The following WDR74 variants were observed in gnomAD, a reference collection of about 807,000 sequenced individuals.
WDR74 encodes the protein WD repeat domain 74, also known as WD repeat-containing protein 74.
Under a neutral mutation model 45.6 loss-of-function variants are expected in WDR74, and 31 were observed. That is an observed-to-expected ratio of 0.68 (90% CI 0.51 to 0.92). WDR74 has a LOEUF of 0.92. Ranked by LOEUF, WDR74 falls within the 40% of genes least tolerant of loss-of-function variation. WDR74 has a pLI of 0.00. For missense variants in WDR74, 455 were observed against 497.2 expected (o/e 0.92, Z 0.81); for synonymous variants, 191 against 192.4 (o/e 0.99, Z 0.06).
chr11:62,834,769 TC>T (rs1438895586), intron 6 of WDR74: 4 of 507,300 alleles, frequency 7.9e-6, no homozygotes, highest in Non-Finnish European at 3.5e-6. Flanking sequence ...GAGCATTCCA[TC>T]CCCCCATACT....
chr11:62,835,296 G>C (rs2084941490), intron 6 of WDR74, 135 bp downstream of exon 6: 1 of 751,110 alleles, frequency 1.3e-6, no homozygotes, highest in South Asian at 1.7e-5. Context: ...CAGGGACAGG[G>C]TTGGAACAGA....
In WDR74 at chr11:62,834,500, G is replaced by C; in HGVS notation, c.646C>G (p.Gln216Glu). ...GTGGTCTCTAGGACTGGCCGGCGCT[G>C]GGGGGATGCTGGATCATAAACACGG... ...QVRVYDPASP[Q>E]RRPVLETTYG... The change falls in exon 7 of 11, where the codon CAG (glutamine) becomes GAG (glutamate). Residue 216 changes from glutamine to glutamate, a missense_variant. Coordinates refer to ENST00000278856, the MANE Select transcript of WDR74 (RefSeq NM_001369450.1). The C allele has an allele frequency of 6.2e-7, 1 of 1,610,174 alleles. No homozygotes were observed. The highest frequency in any genetic ancestry group is 1.3e-5 in the African/African-American group (1 of 74,806).
intron 3 of WDR74, among the ~76,000 whole-genome samples, chr11:62,838,770 A>C (rs1429627787): frequency 1.3e-5 from 2 of 151,810 alleles, no homozygotes; most frequent in East Asian, 1.9e-4. Flanking sequence ...CAAAAAAAAA[A>C]AAAACAAAAA....
upstream of WDR74, chr11:62,841,572 A>C (rs1030664786): frequency 2.8e-4 from 43 of 152,268 alleles, no homozygotes; most frequent in African/African-American, 9.6e-4. Context: ...CTTGTACCCT[A>C]ACTGATCGAA....
Position 62,839,566 on chromosome 11 carries a change from G to A in WDR74, c.5C>T (p.Ala2Val), listed in dbSNP as rs545160528. 69 of 1,609,566 alleles carry A rather than the reference G, an allele frequency of 4.3e-5. No homozygotes were observed. In the South Asian group the frequency reaches 6.6e-4, roughly 15 times the overall value. ...ATGGTTCCAGCGTGCAGCAGCAGCC[G>A]CCATGACAAAGCCTGGAGGCAGACA... MAAAAARWNHVW... is the reference protein window; with the variant it reads MVAAAARWNHVW... Residue 2 changes from alanine to valine, a missense_variant, in exon 1 of 11, where the codon GCG becomes GTG. Transcript: ENST00000278856.
At chr11:62,840,075 C>G, upstream of WDR74, 1 of 153,796 alleles carries the variant, frequency 6.5e-6, no homozygotes, top group Non-Finnish European at 1.5e-5. Context: ...GATCTCCTCT[C>G]ACCTCAACCT....
chr11:62,834,106 A>G, intron 8 of WDR74, 169 bp from the exon 9 acceptor site: 1 of 1,391,136 alleles, frequency 7.2e-7, no homozygotes, highest in Non-Finnish European at 9.9e-7. Context: ...AGGCACAGGG[A>G]GTTGAAATAA....
rs1486305345 is a variant in WDR74, at chr11:62,835,775, C to T, written c.436G>A (p.Val146Ile). ...MRQDPAHPHV[V>I]ATGGKENALK... ...GCATTCTCTTTCCCACCTGTGGCAACCACATGGGGGTGTGCTGGGTCTTGG... is the reference window on the plus strand; with the variant it reads ...GCATTCTCTTTCCCACCTGTGGCAATCACATGGGGGTGTGCTGGGTCTTGG... The change falls in exon 5 of 11, where the codon GTT (valine) becomes ATT (isoleucine). Residue 146 changes from valine (V) to isoleucine (I), a missense_variant. By Grantham distance (29) the Val-to-Ile change is conservative. Coordinates refer to ENST00000278856, the MANE Select transcript of WDR74 (RefSeq NM_001369450.1). 1 of 1,613,870 alleles carries T rather than the reference C, an allele frequency of 6.2e-7. No homozygotes were observed. The highest frequency in any genetic ancestry group is 8.5e-7 in the Non-Finnish European group (1 of 1,179,836).
rs759625859 is a variant in WDR74, at chr11:62,833,808, C to T, written c.905G>A (p.Arg302Gln). 1.4e-5 allele frequency: 22 copies of T among 1,613,842 alleles called. No individual in the cohort carries two copies. The East Asian group carries it at 2.0e-4, about 15-fold the overall frequency. ...VLRIHRIQNP[R>Q]GLEHKVYLKS... ...ACAACTTACCTTATGCTCCAGACCCCGTGGATTCTGGATCCTGTGTATCCT... is the reference window on the plus strand; with the variant it reads ...ACAACTTACCTTATGCTCCAGACCCTGTGGATTCTGGATCCTGTGTATCCT... The change falls in exon 9 of 11, where the codon CGG (arginine) becomes CAG (glutamine). Residue 302 changes from arginine (R) to glutamine (Q), a missense_variant. Arg to Gln is a conservative substitution (Grantham distance 43, BLOSUM62 1). Transcript: ENST00000278856.
chr11:62,834,404 C>G (rs2084927540), intron 7 of WDR74, 23 bp downstream of exon 7: 1 of 1,599,464 alleles, frequency 6.3e-7, no homozygotes, highest in East Asian at 2.2e-5. Flanking sequence ...CACCCTCCCA[C>G]CCCTTCCCCT....
At chr11:62,841,169 T>C (rs559528162), upstream of WDR74, among the ~76,000 whole-genome samples, 67 of 152,160 alleles carry the variant, frequency 4.4e-4, 2 homozygotes, top group Admixed American at 4.6e-4. Context: ...GTATAAAAAT[T>C]CGCTGGGCGT....
Position 62,836,006 on chromosome 11 carries a change from A to C in WDR74, c.324T>G (p.Ile108Met). The C allele has an allele frequency of 6.3e-7, 1 of 1,596,328 alleles. No individual in the cohort carries two copies. The highest frequency in any genetic ancestry group is 8.5e-7 in the Non-Finnish European group (1 of 1,171,318). Residue 108 changes from isoleucine (I) to methionine (M), a missense_variant, in exon 4 of 11, where the codon ATT (isoleucine) becomes ATG (methionine). By Grantham distance (10) the Ile-to-Met change is conservative. Transcript: ENST00000278856. ...GTLITCVDSGILRVWHDKDKD... is the reference protein window; with the variant it reads ...GTLITCVDSGMLRVWHDKDKD... Reference sequence around the variant, plus strand: ...TGTCCTTGTCATGCCAGACTCTGAGAATCCCAGAATCCACACATGTGATGA... The same window carrying C: ...TGTCCTTGTCATGCCAGACTCTGAGCATCCCAGAATCCACACATGTGATGA...
At position 62,834,754 on chromosome 11, in the gene WDR74, T is replaced by C. The variant is rs772381555; in HGVS notation, c.619-227A>G. 132 of 532,834 alleles carry C rather than the reference T, an allele frequency of 2.5e-4. 2 individuals carry two copies. Among genetic ancestry groups the C allele is most frequent in the Non-Finnish European group, 4.1e-4 (123 of 298,762 alleles). The allele number at this position is 532,834 out of a possible 1,614,324, so 33.0% of individuals were successfully genotyped here. The stretch of plus-strand genomic sequence containing the variant: ...GGGGAGAGGTCCCCTAGGTTGGAAG[T>C]GTGTGAGCATTCCATCCCCCCATAC... On this transcript the variant is annotated intron_variant, in intron 6 of 10. Transcript: ENST00000278856.
chr11:62,841,135 G>A (rs1484810354), upstream of WDR74, among the ~76,000 whole-genome samples: 2 of 152,182 alleles, frequency 1.3e-5, no homozygotes, highest in East Asian at 3.9e-4. Context: ...TGGCCAACAT[G>A]GTGAAACCCC....
chr11:62,838,741 A>G (rs911665122), intron 3 of WDR74, among the ~76,000 whole-genome samples: 2 of 150,384 alleles, frequency 1.3e-5, no homozygotes, highest in African/African-American at 4.9e-5. Context: ...CTGGGCAACA[A>G]GAGCGAAAAC....
At chr11:62,839,620 C>T (rs2085018787), upstream of WDR74, 6 of 1,556,086 alleles carry the variant, frequency 3.9e-6, no homozygotes, top group South Asian at 4.7e-5. Context: ...GCGTGTGCGT[C>T]ACCAGCGGGC....
upstream of WDR74, chr11:62,841,674 C>G (rs952623543): frequency 7.2e-5 from 11 of 152,198 alleles, no homozygotes; most frequent in East Asian, 1.9e-4. Flanking sequence ...GTGGAGTGGA[C>G]GGAGCAAGCT....
intron 3 of WDR74, among the ~76,000 whole-genome samples, chr11:62,837,948 A>G (rs1480529077): frequency 6.6e-6 from 1 of 152,068 alleles, no homozygotes; most frequent in Non-Finnish European, 1.5e-5. Context: ...TAAAAAACTT[A>G]AAAATTTAGC....
rs559256130 is a variant in WDR74 at position 62,835,117 on chromosome 11, A to G, written c.618+314T>C. The G allele has an allele frequency of 1.4e-4, 43 of 305,448 alleles. No individual in the cohort carries two copies. In the South Asian group the frequency reaches 1.9e-3, roughly 14 times the overall value. The allele number at this position is 305,448 out of a possible 1,614,324, so 18.9% of individuals were successfully genotyped here. On this transcript the variant is annotated intron_variant, in intron 6 of 10. Coordinates refer to ENST00000278856, the MANE Select transcript of WDR74 (RefSeq NM_001369450.1). ...AGCAAATCAGAGAGGCTGCATCAGG[A>G]CCAGAACCCAGTTCTCTTAACACCC...
Sources: allele counts gnomAD v4.1 joint callset (sites outside exome capture counted in the v4.1 genomes callset), GRCh38; gene constraint gnomAD v4.1.1; transcripts MANE v1.5; gene names NCBI Gene and HGNC (gene_info 2026-07-23, HGNC 2026-07-21).